Variants in NRG3 observed in about 807,000 individuals in gnomAD.
NRG3 encodes neuregulin 3, also known as pro-neuregulin-3, membrane-bound isoform.
A neutral mutation model predicts 66.9 loss-of-function variants in NRG3; 31 were observed. The ratio of observed to expected loss-of-function variants is 0.46; its 90% CI spans 0.35 to 0.63. NRG3 has a LOEUF of 0.63. NRG3 is among the 20% of genes least tolerant of loss of function. The probability of loss-of-function intolerance (pLI) is 0.00; values close to 1 mark genes in which losing one functional copy is unlikely to be tolerated. For synonymous variants in NRG3, 393 were observed against 359.4 expected (o/e 1.09, Z -1.06); for missense variants, 910 against 878.9 (o/e 1.04, Z -0.45).
intron 1 of NRG3, 51 bp downstream of exon 1, chr10:81,876,214 G>A: frequency 6.6e-7 from 1 of 1,518,700 alleles, no homozygotes; most frequent in South Asian, 1.3e-5. Context: ...TTTCCCTTCT[G>A]CCCTCCTGCT....
At chr10:82,474,585 T>G (rs1165267380) in intron 2 of NRG3, among the ~76,000 whole-genome samples, 1 of 151,524 alleles carries the variant, frequency 6.6e-6, no homozygotes, top group Admixed American at 6.6e-5. Context: ...AAAGGAAAAA[T>G]GAATGAAGAA....
At chr10:82,005,645 T>A (rs1388642165) in intron 1 of NRG3, among the ~76,000 whole-genome samples, 1 of 152,168 alleles carries the variant, frequency 6.6e-6, no homozygotes, top group Non-Finnish European at 1.5e-5. Flanking sequence ...CTGCAATGCT[T>A]TTTAGGTCAT....
Position 82,198,794 on chromosome 10 carries a change from C to T in NRG3, c.824-159945C>T, listed in dbSNP as rs555387010. ...TGGGCAGATCATGAGGTCAGAAGTT[C>T]GAGACCAGCCTGACCAACATGGTGA... On this transcript the variant is annotated intron_variant, in intron 1 of 8. Coordinates refer to ENST00000372141, the MANE Select transcript of NRG3 (RefSeq NM_001010848.4). 2.4e-4 allele frequency among the ~76,000 whole-genome samples: 37 copies of T among 152,068 alleles called. No homozygotes were observed. In the East Asian group the frequency reaches 6.4e-3, roughly 26 times the overall value.
At chr10:82,626,188 A>G (rs901298894) in intron 2 of NRG3, among the ~76,000 whole-genome samples, 4 of 152,220 alleles carry the variant, frequency 2.6e-5, no homozygotes, top group Admixed American at 2.6e-4. Context: ...ATTAACAATG[A>G]GATCCTTGCA....
intron 2 of NRG3, among the ~76,000 whole-genome samples, chr10:82,429,326 C>T (rs2089648965): frequency 2.0e-5 from 3 of 151,986 alleles, no homozygotes; most frequent in Non-Finnish European, 4.4e-5. Flanking sequence ...GATTTGACTT[C>T]CTGTCCAGTA....
intron 1 of NRG3, among the ~76,000 whole-genome samples, chr10:82,074,813 G>A (rs1189858546): frequency 6.6e-6 from 1 of 152,132 alleles, no homozygotes; most frequent in African/African-American, 2.4e-5. Context: ...CTTCAGCCTG[G>A]GAGACAGAGC....
intron 1 of NRG3, among the ~76,000 whole-genome samples, chr10:81,994,401 G>A (rs11192096): frequency 0.36 from 55,312 of 151,804 alleles, 11,327 homozygotes; most frequent in East Asian, 0.77. Context: ...AAGCTGAAAG[G>A]TAATATTTAA....
intron 1 of NRG3, among the ~76,000 whole-genome samples, chr10:82,178,307 A>G (rs2073179574): frequency 6.6e-6 from 1 of 152,186 alleles, no homozygotes; most frequent in South Asian, 2.1e-4. Context: ...AAGCACGATG[A>G]GGTACAGCAG....
chr10:82,660,563 C>T (rs1419106214), intron 2 of NRG3, among the ~76,000 whole-genome samples: 2 of 152,120 alleles, frequency 1.3e-5, no homozygotes, highest in Non-Finnish European at 2.9e-5. Context: ...CAGATAATTG[C>T]AGTGTTAGAA....
chr10:82,121,109 C>T (rs1017168955), intron 1 of NRG3, among the ~76,000 whole-genome samples: 1 of 152,160 alleles, frequency 6.6e-6, no homozygotes, highest in South Asian at 2.1e-4. Context: ...CTCTGGTGCT[C>T]GATGCCTCAG....
intron 1 of NRG3, among the ~76,000 whole-genome samples, chr10:82,214,710 T>A (rs2075575387): frequency 6.6e-6 from 1 of 152,104 alleles, no homozygotes; most frequent in Non-Finnish European, 1.5e-5. Context: ...CCACAAGTGA[T>A]CCTCCCACCT....
In NRG3 at chr10:82,284,951, G is replaced by A. The variant is rs553179697; in HGVS notation, c.824-73788G>A. Among the ~76,000 whole-genome samples, 3 of 152,146 alleles carry A rather than the reference G, an allele frequency of 2.0e-5. No individual in the cohort carries two copies. The East Asian group carries it at 5.8e-4, about 29-fold the overall frequency. ...AAACATTACGTTTAAAATCCATTTG[G>A]CTTTAAATTAATATTTTAGCTGTAT... On this transcript the variant is annotated intron_variant, in intron 1 of 8. Coordinates refer to ENST00000372141, the MANE Select transcript of NRG3 (RefSeq NM_001010848.4).
chr10:81,917,279 C>T (rs543142427), intron 1 of NRG3, among the ~76,000 whole-genome samples: 25 of 152,286 alleles, frequency 1.6e-4, no homozygotes, highest in Admixed American at 8.5e-4. Context: ...TCTCCTTCCT[C>T]GGCTCTCCCC....
At chr10:82,448,199 C>T (rs1445445857) in intron 2 of NRG3, among the ~76,000 whole-genome samples, 1 of 152,134 alleles carries the variant, frequency 6.6e-6, no homozygotes, top group Non-Finnish European at 1.5e-5. Context: ...TTCAATTTTA[C>T]TAGGGAAATG....
Position 82,849,294 on chromosome 10 carries a change from C to T in NRG3, c.1028-16117C>T, listed in dbSNP as rs118190772. Reference sequence around the variant, plus strand: ...GAGAGTGACATAGGACAGATTCTGCCTCACAATCCTGAGATGGAACAAACA... The same window carrying T: ...GAGAGTGACATAGGACAGATTCTGCTTCACAATCCTGAGATGGAACAAACA... On this transcript the variant is annotated intron_variant, in intron 3 of 8. Coordinates refer to ENST00000372141, the MANE Select transcript of NRG3 (RefSeq NM_001010848.4). Among the ~76,000 whole-genome samples, 853 of 152,236 alleles carry T rather than the reference C, an allele frequency of 5.6e-3. 5 individuals carry two copies. Among genetic ancestry groups the T allele is most frequent in the Non-Finnish European group, 0.01 (701 of 68,014 alleles).
chr10:82,448,394 A>G (rs908511074), intron 2 of NRG3, among the ~76,000 whole-genome samples: 6 of 152,206 alleles, frequency 3.9e-5, no homozygotes, highest in African/African-American at 1.2e-4. Flanking sequence ...ATTTTAAACA[A>G]TTTTACTTAT....
chr10:82,884,367 A>T (rs945581736), intron 4 of NRG3, among the ~76,000 whole-genome samples: 3 of 152,204 alleles, frequency 2.0e-5, no homozygotes, highest in Admixed American at 1.3e-4. Context: ...TTCCACAGAT[A>T]AAAAATACAG....
chr10:82,082,954 T>A (rs1328438156), intron 1 of NRG3, among the ~76,000 whole-genome samples: 1 of 152,156 alleles, frequency 6.6e-6, no homozygotes, highest in Admixed American at 6.5e-5. Flanking sequence ...ATTCTTTTTT[T>A]TTTTCAGACG....
At chr10:82,385,788 T>A (rs1206778786) in intron 2 of NRG3, among the ~76,000 whole-genome samples, 1 of 152,136 alleles carries the variant, frequency 6.6e-6, no homozygotes, top group Non-Finnish European at 1.5e-5. Flanking sequence ...AAATGGGTTG[T>A]CCTGCTGAAA....
Sources: allele counts gnomAD v4.1 joint callset (sites outside exome capture counted in the v4.1 genomes callset), GRCh38; gene constraint gnomAD v4.1.1; transcripts MANE v1.5; gene names NCBI Gene and HGNC (gene_info 2026-07-23, HGNC 2026-07-21).